Variants in PRKN observed in about 807,000 individuals in gnomAD.
PRKN encodes the protein parkin RBR E3 ubiquitin protein ligase.
In PRKN, 56 loss-of-function variants were observed where a neutral mutation model predicts 59.5. The observed-to-expected ratio is 0.94, with a 90% CI of 0.76 to 1.18. The LOEUF (loss-of-function observed/expected upper bound fraction) is 1.18. PRKN is among the 50% of genes most tolerant of loss of function. The pLI, the probability that PRKN is intolerant of heterozygous loss-of-function variation, is 0.00. For missense variants in PRKN, 657 were observed against 596.4 expected (o/e 1.10, Z -1.06); for synonymous variants, 250 against 222.1 (o/e 1.13, Z -1.12).
chr6:162,359,290 C>T (rs1029409512), intron 2 of PRKN, among the ~76,000 whole-genome samples: 4 of 151,494 alleles, frequency 2.6e-5, no homozygotes, highest in African/African-American at 4.9e-5. Context: ...CAAGGACATT[C>T]GGAAAATTAG....
intron 4 of PRKN, among the ~76,000 whole-genome samples, chr6:162,132,222 C>T (rs1480155271): frequency 6.6e-6 from 1 of 152,110 alleles, no homozygotes; most frequent in East Asian, 1.9e-4. Flanking sequence ...CGTGAAAAGG[C>T]AGATTGGTGT....
chr6:161,900,328 C>A (rs942576552), intron 6 of PRKN, among the ~76,000 whole-genome samples: 1 of 150,222 alleles, frequency 6.7e-6, no homozygotes. Flanking sequence ...GCAGCAGCAT[C>A]AGGAAACAAG....
At chr6:162,052,259 G>A (rs1777674521) in intron 5 of PRKN, among the ~76,000 whole-genome samples, 1 of 151,878 alleles carries the variant, frequency 6.6e-6, no homozygotes, top group Admixed American at 6.6e-5. Context: ...TAAACTTTGT[G>A]TCAATTATTA....
At chr6:161,904,413 TC>T (rs1778061116) in intron 6 of PRKN, among the ~76,000 whole-genome samples, 1 of 150,086 alleles carries the variant, frequency 6.7e-6, no homozygotes, top group African/African-American at 2.5e-5. Flanking sequence ...CCTCCTGGGT[TC>T]ATGCCATTCT....
chr6:162,168,715 TTA>T lies in PRKN; in HGVS notation c.534+32414_534+32415del, dbSNP rs146531828. Among the ~76,000 whole-genome samples, 263 of 152,202 alleles carry T rather than the reference TTA, an allele frequency of 1.7e-3. 7 individuals carry two copies. In the East Asian group the frequency reaches 0.047, roughly 27 times the overall value. On this transcript the variant is annotated intron_variant, in intron 4 of 11. Transcript: ENST00000366898. Reference sequence around the variant, plus strand: ...TCCCGAGATACTCCATTATCGCTATTTATGTTATTACAGATGATATAAATCTT... The same window carrying T: ...TCCCGAGATACTCCATTATCGCTATTTGTTATTACAGATGATATAAATCTT...
intron 1 of PRKN, among the ~76,000 whole-genome samples, chr6:162,475,847 G>A (rs184172276): frequency 1.7e-4 from 26 of 151,658 alleles, no homozygotes; most frequent in Non-Finnish European, 1.0e-4. Context: ...CGCCTCCCGG[G>A]CTCAAGTGAT....
chr6:162,545,837 T>C (rs1054876389), intron 1 of PRKN, among the ~76,000 whole-genome samples: 6 of 152,098 alleles, frequency 3.9e-5, no homozygotes, highest in African/African-American at 1.2e-4. Flanking sequence ...GAATTGGTAA[T>C]TGGGGGAACA....
intron 1 of PRKN, among the ~76,000 whole-genome samples, chr6:162,681,365 A>C (rs1017648844): frequency 3.3e-5 from 5 of 152,150 alleles, no homozygotes; most frequent in African/African-American, 9.7e-5. Flanking sequence ...GATGAAATTG[A>C]GGCAGGAGAA....
At chr6:161,774,300 CTG>C (rs1002045552) in intron 7 of PRKN, among the ~76,000 whole-genome samples, 2 of 151,574 alleles carry the variant, frequency 1.3e-5, no homozygotes, top group Non-Finnish European at 2.9e-5. Context: ...TTAGAGACTG[CTG>C]TGTGTTGACA....
rs1409469023 is a variant in PRKN, at chr6:161,373,779, G to A, written c.1167+13015C>T. On this transcript the variant is annotated intron_variant, in intron 10 of 11. Transcript: ENST00000366898. The surrounding 1 kb of genome is among the most constrained non-coding windows in gnomAD (Gnocchi z 4.8). ...TGGTCAACATGCTTTTCTGTGGAGT[G>A]ACAATATTTTGTCCCCCCTGCCAGC... 1.3e-5 allele frequency among the ~76,000 whole-genome samples: 2 copies of A among 152,146 alleles called. No homozygotes were observed. The highest frequency in any genetic ancestry group is 3.9e-4 in the East Asian group (2 of 5,168).
intron 2 of PRKN, among the ~76,000 whole-genome samples, chr6:162,331,411 A>G (rs1783566827): frequency 6.6e-6 from 1 of 152,170 alleles, no homozygotes; most frequent in Admixed American, 6.5e-5. Flanking sequence ...CCGCTTCATC[A>G]TTTCATTTAT....
chr6:161,707,286 CAG>C (rs34648854), intron 7 of PRKN, among the ~76,000 whole-genome samples: 61,334 of 151,828 alleles, frequency 0.4, 13,077 homozygotes, highest in Admixed American at 0.6. Context: ...AAGAGAAAGA[CAG>C]AGATTAATTC....
At chr6:162,666,704 C>A (rs989710459) in intron 1 of PRKN, among the ~76,000 whole-genome samples, 3 of 152,014 alleles carry the variant, frequency 2.0e-5, no homozygotes, top group African/African-American at 7.2e-5. Flanking sequence ...AAATAGAACA[C>A]TCATTTTTAG....
At chr6:161,988,229 C>T (rs957725833) in intron 5 of PRKN, among the ~76,000 whole-genome samples, 5 of 152,074 alleles carry the variant, frequency 3.3e-5, no homozygotes, top group South Asian at 2.1e-4. Context: ...GGCATGGTGG[C>T]TTATGCCAGC....
chr6:162,008,777 A>T (rs1329291664), intron 5 of PRKN, among the ~76,000 whole-genome samples: 1 of 152,188 alleles, frequency 6.6e-6, no homozygotes, highest in East Asian at 1.9e-4. Context: ...TGGCATTAGA[A>T]TAGGAATATT....
At chr6:161,879,433 C>T (rs536394732) in intron 6 of PRKN, among the ~76,000 whole-genome samples, 4 of 150,994 alleles carry the variant, frequency 2.6e-5, no homozygotes, top group South Asian at 2.1e-4. Flanking sequence ...CTGCAACCTC[C>T]GCCTTCCAGG....
At chr6:162,627,855 T>C (rs541893322) in intron 1 of PRKN, among the ~76,000 whole-genome samples, 1 of 152,256 alleles carries the variant, frequency 6.6e-6, no homozygotes, top group African/African-American at 2.4e-5. Context: ...CAGGTTGTAG[T>C]TGAGGCCAGG....
chr6:162,141,314 A>G (rs1781770504), intron 4 of PRKN, among the ~76,000 whole-genome samples: 1 of 152,168 alleles, frequency 6.6e-6, no homozygotes, highest in Non-Finnish European at 1.5e-5. Flanking sequence ...AAAAGTATCT[A>G]AGATTCAAAA....
chr6:161,853,730 C>T (rs1477058477), intron 6 of PRKN, among the ~76,000 whole-genome samples: 3 of 152,142 alleles, frequency 2.0e-5, no homozygotes, highest in Admixed American at 2.0e-4. Context: ...TCTTTACTCA[C>T]AAACATTCAT....
Sources: gnomAD v4.1 joint callset for allele counts (sites outside exome capture counted in the v4.1 genomes callset) on GRCh38, gnomAD v4.1.1 for gene constraint, Gnocchi (gnomAD v3.1) non-coding constraint, MANE v1.5 for transcripts, NCBI Gene and HGNC (gene_info 2026-07-23, HGNC 2026-07-21) for gene names.